ARG2: variants seen among roughly 807,000 people sequenced by gnomAD.
ARG2 encodes arginase-2, mitochondrial.
Under a neutral mutation model 39.4 loss-of-function variants are expected in ARG2, and 21 were observed. The ratio of observed to expected loss-of-function variants is 0.53; its 90% CI spans 0.38 to 0.77. ARG2 has a LOEUF of 0.77. ARG2 is among the 30% of genes least tolerant of loss of function. The probability of loss-of-function intolerance (pLI) is 0.00; values close to 1 mark genes in which losing one functional copy is unlikely to be tolerated. For synonymous variants in ARG2, 150 were observed against 156.7 expected (o/e 0.96, Z 0.32); for missense variants, 378 against 426.2 (o/e 0.89, Z 1.00).
At chr14:67,627,469 A>G (rs1199826511) in intron 2 of ARG2, among the ~76,000 whole-genome samples, 8 of 152,106 alleles carry the variant, frequency 5.3e-5, no homozygotes, top group Non-Finnish European at 2.9e-5. Context: ...AGTTTTGGGC[A>G]TTGAAAAGAG....
chr14:67,647,118 C>A, intron 6 of ARG2, 93 bp downstream of exon 6: 1 of 833,948 alleles, frequency 1.2e-6, no homozygotes, highest in Admixed American at 2.3e-5. Flanking sequence ...TTTTAAAATA[C>A]AAAGCAAAAA....
intron 7 of ARG2, 156 bp from the exon 8 acceptor site, chr14:67,650,556 AGAG>A (rs34922083): frequency 0.074 from 46,795 of 633,268 alleles, 2,884 homozygotes; most frequent in East Asian, 0.23. Flanking sequence ...TTCATGGCCA[AGAG>A]GATGAGGTGC....
chr14:67,627,814 T>C (rs1432233494), intron 2 of ARG2, among the ~76,000 whole-genome samples: 1 of 152,172 alleles, frequency 6.6e-6, no homozygotes, highest in Non-Finnish European at 1.5e-5. Context: ...GAAATGAAAG[T>C]ACAGCACCTG....
chr14:67,633,521 T>C (rs2036939949), intron 2 of ARG2, among the ~76,000 whole-genome samples: 1 of 152,194 alleles, frequency 6.6e-6, no homozygotes, highest in Non-Finnish European at 1.5e-5. Context: ...GACCTTATCA[T>C]CTTCTCCCTC....
intron 4 of ARG2, 68 bp from the exon 5 acceptor site, chr14:67,646,574 ACG>A (rs1349661746): frequency 4.0e-6 from 5 of 1,263,364 alleles, no homozygotes; most frequent in African/African-American, 1.5e-5. Context: ...ATACCCACGG[ACG>A]CACATGATAA....
chr14:67,623,099 T>A (rs923148215), intron 2 of ARG2, among the ~76,000 whole-genome samples: 1 of 152,228 alleles, frequency 6.6e-6, no homozygotes, highest in Non-Finnish European at 1.5e-5. Flanking sequence ...TACAATTATA[T>A]CCTTACTGTG....
chr14:67,651,134 A>T lies in ARG2; in HGVS notation c.*214A>T. 1 of 901,068 alleles carries T rather than the reference A, an allele frequency of 1.1e-6. No homozygotes were observed. Among genetic ancestry groups the T allele is most frequent in the Non-Finnish European group, 1.6e-6 (1 of 608,674 alleles). The allele number at this position is 901,068 out of a possible 1,614,324, so 55.8% of individuals were successfully genotyped here. On this transcript the variant is annotated 3_prime_UTR_variant, in exon 8 of 8. Coordinates refer to ENST00000261783, the MANE Select transcript of ARG2 (RefSeq NM_001172.4). Reference sequence around the variant, plus strand: ...GCAGTTCACAGGGTATTAATATGCTACAGTACTATGTAAATTTAAAGAAGT... The same window carrying T: ...GCAGTTCACAGGGTATTAATATGCTTCAGTACTATGTAAATTTAAAGAAGT...
chr14:67,630,916 G>C (rs1327981479), intron 2 of ARG2, among the ~76,000 whole-genome samples: 1 of 152,128 alleles, frequency 6.6e-6, no homozygotes, highest in Admixed American at 6.5e-5. Context: ...TTTTCTAAGA[G>C]GTTAATGCTC....
At chr14:67,625,808 A>G (rs1029902370) in intron 2 of ARG2, among the ~76,000 whole-genome samples, 3 of 151,902 alleles carry the variant, frequency 2.0e-5, no homozygotes, top group African/African-American at 4.8e-5. Flanking sequence ...CATATACCTG[A>G]TAAGATTCTA....
At chr14:67,650,289 C>A (rs10483801) in intron 7 of ARG2, 53,180 of 223,168 alleles carry the variant, frequency 0.24, 7,355 homozygotes, top group East Asian at 0.45. Context: ...TTGGCTAGTG[C>A]AAGTGGCAGA....
chr14:67,646,407 C>A (rs1211579906), intron 4 of ARG2: 1 of 486,872 alleles, frequency 2.1e-6, no homozygotes, highest in African/African-American at 2.0e-5. Flanking sequence ...GAAACCAAGA[C>A]AACCTTAGAG....
chr14:67,649,849 G>A (rs2037149446), intron 7 of ARG2: 1 of 152,158 alleles, frequency 6.6e-6, no homozygotes, highest in Non-Finnish European at 1.5e-5. Context: ...ATACTAGCTT[G>A]TTCAGATCAC....
At chr14:67,647,854 G>A in intron 6 of ARG2, 193 bp from the exon 7 acceptor site, 1 of 601,024 alleles carries the variant, frequency 1.7e-6, no homozygotes, top group Non-Finnish European at 2.9e-6. Flanking sequence ...GAAGTGGTAT[G>A]TAGGAAGTTA....
In ARG2 at chr14:67,645,636, T is replaced by C; in HGVS notation, c.363-7T>C. ...AGGGCCTTCAAGATTATACTTGTTCTTTGCAGCCTGGCAATCGGTACCATT... is the reference window on the plus strand; with the variant it reads ...AGGGCCTTCAAGATTATACTTGTTCCTTGCAGCCTGGCAATCGGTACCATT... On this transcript the variant is annotated splice_polypyrimidine_tract_variant and splice_region_variant and intron_variant, in intron 3 of 7. Transcript: ENST00000261783. The C allele has an allele frequency of 1.2e-6, 2 of 1,612,008 alleles. No homozygotes were observed. Among genetic ancestry groups the C allele is most frequent in the Non-Finnish European group, 1.7e-6 (2 of 1,179,132 alleles).
At chr14:67,639,240 T>G (rs1185136050) in intron 2 of ARG2, among the ~76,000 whole-genome samples, 1 of 152,250 alleles carries the variant, frequency 6.6e-6, no homozygotes, top group East Asian at 1.9e-4. Flanking sequence ...TATCTGAGTC[T>G]ACATCCTGGT....
chr14:67,639,909 C>T (rs1450298748), intron 2 of ARG2, among the ~76,000 whole-genome samples: 5 of 125,150 alleles, frequency 4.0e-5, no homozygotes, highest in Non-Finnish European at 7.9e-5. Flanking sequence ...TGCATGATAG[C>T]GCAAGACCCT....
intron 2 of ARG2, among the ~76,000 whole-genome samples, chr14:67,640,377 GA>G (rs1190448471): frequency 6.6e-6 from 1 of 152,052 alleles, no homozygotes; most frequent in Non-Finnish European, 1.5e-5. Flanking sequence ...GGCTGGGGAG[GA>G]AAAAAAGAAT....
intron 6 of ARG2, chr14:67,647,844 G>C: frequency 1.7e-6 from 1 of 582,836 alleles, no homozygotes; most frequent in Non-Finnish European, 3.0e-6. Context: ...GCAGTATCAT[G>C]AAGTGGTATG....
intron 2 of ARG2, among the ~76,000 whole-genome samples, chr14:67,625,832 A>G (rs1324300239): frequency 6.6e-6 from 1 of 152,130 alleles, no homozygotes; most frequent in Non-Finnish European, 1.5e-5. Context: ...TTCGGCAAAC[A>G]TAAATAAAAT....
Sources: gnomAD v4.1 joint callset for allele counts (sites outside exome capture counted in the v4.1 genomes callset) on GRCh38, gnomAD v4.1.1 for gene constraint, MANE v1.5 for transcripts, NCBI Gene and HGNC (gene_info 2026-07-23, HGNC 2026-07-21) for gene names.